The following ZNF385D variants were observed in gnomAD, a reference collection of about 807,000 sequenced individuals.
ZNF385D encodes zinc finger protein 659.
Under a neutral mutation model 35.8 loss-of-function variants are expected in ZNF385D, and 15 were observed. That is an observed-to-expected ratio of 0.42 (90% CI 0.28 to 0.64). The LOEUF (loss-of-function observed/expected upper bound fraction) is 0.64. Ranked by LOEUF, ZNF385D falls within the 30% of genes least tolerant of loss-of-function variation. The probability of loss-of-function intolerance (pLI) is 0.23; values close to 1 mark genes in which losing one functional copy is unlikely to be tolerated. For synonymous variants in ZNF385D, 212 were observed against 186.8 expected (o/e 1.13, Z -1.10); for missense variants, 474 against 494.6 (o/e 0.96, Z 0.39).
intron 2 of ZNF385D, among the ~76,000 whole-genome samples, chr3:21,585,533 A>G (rs1202123493): frequency 1.3e-5 from 2 of 152,212 alleles, no homozygotes; most frequent in Admixed American, 6.5e-5. Flanking sequence ...AAGAAAGGCA[A>G]TCACAATAAA....
In ZNF385D at chr3:21,934,671, G is replaced by T. The variant is rs566383432; in HGVS notation, c.325+234146C>A. ...TACAAATTGATAATGCAACAAGAGG[G>T]ACTCTTAGTGATACAATGAGAGAGT... On this transcript the variant is annotated intron_variant, in intron 3 of 5. Coordinates refer to the ZNF385D transcript ENST00000494108. 5.3e-5 allele frequency among the ~76,000 whole-genome samples: 8 copies of T among 152,250 alleles called. No homozygotes were observed. In the South Asian group the frequency reaches 6.2e-4, roughly 12 times the overall value.
chr3:22,097,754 A>G (rs1701708551), intron 3 of ZNF385D, among the ~76,000 whole-genome samples: 1 of 152,066 alleles, frequency 6.6e-6, no homozygotes, highest in African/African-American at 2.4e-5. Context: ...GACTTGACAG[A>G]AAGTGTCCCC....
rs4858025 is a variant in ZNF385D, at chr3:21,897,257, T to C, written c.326-232229A>G. Among the ~76,000 whole-genome samples, 3 of 152,096 alleles carry C rather than the reference T, an allele frequency of 2.0e-5. No individual in the cohort carries two copies. The South Asian group carries it at 6.2e-4, about 31-fold the overall frequency. On this transcript the variant is annotated intron_variant, in intron 3 of 5. Transcript: ENST00000494108. ...TGGCTATTTCAGAATTCTCACATTA[T>C]TGATAAACAGGCAAGAGGGGGATTA...
chr3:22,367,747 T>C (rs1696720441), intron 2 of ZNF385D, among the ~76,000 whole-genome samples: 1 of 152,190 alleles, frequency 6.6e-6, no homozygotes, highest in Non-Finnish European at 1.5e-5. Flanking sequence ...AAAAGAAGTC[T>C]CTAATAATCT....
chr3:21,590,812 A>AT (rs1282249035), intron 2 of ZNF385D, among the ~76,000 whole-genome samples: 5 of 152,242 alleles, frequency 3.3e-5, no homozygotes, highest in Non-Finnish European at 7.4e-5. Context: ...TTTCCATTAT[A>AT]TTTTTTAGAA....
At chr3:22,231,484 A>C (rs944357201) in intron 2 of ZNF385D, among the ~76,000 whole-genome samples, 1 of 152,082 alleles carries the variant, frequency 6.6e-6, no homozygotes, top group African/African-American at 2.4e-5. Context: ...ACAGCTTCCC[A>C]CAGTAGCTGA....
At chr3:21,780,447 C>T (rs935694263) in intron 3 of ZNF385D, among the ~76,000 whole-genome samples, 1 of 151,984 alleles carries the variant, frequency 6.6e-6, no homozygotes. Context: ...CGTTCTTTCT[C>T]AATATCTTCC....
intron 2 of ZNF385D, among the ~76,000 whole-genome samples, chr3:22,188,147 G>A (rs1192287842): frequency 6.6e-6 from 1 of 152,144 alleles, no homozygotes; most frequent in Admixed American, 6.6e-5. Context: ...AGTTTATTCT[G>A]TGGACAAAGA....
At chr3:21,995,269 A>T (rs576091770) in intron 3 of ZNF385D, among the ~76,000 whole-genome samples, 5 of 152,344 alleles carry the variant, frequency 3.3e-5, no homozygotes, top group Admixed American at 3.3e-4. Context: ...AGGCATGCAT[A>T]GGTGCCAGTG....
chr3:22,109,922 A>G (rs1034820073), intron 3 of ZNF385D, among the ~76,000 whole-genome samples: 8 of 152,184 alleles, frequency 5.3e-5, no homozygotes, highest in African/African-American at 1.7e-4. Flanking sequence ...CAGAATCTAC[A>G]ATGAACTCAA....
intron 3 of ZNF385D, among the ~76,000 whole-genome samples, chr3:22,154,285 G>A (rs768775798): frequency 2.6e-5 from 4 of 152,086 alleles, no homozygotes; most frequent in Non-Finnish European, 4.4e-5. Flanking sequence ...ACCTCATCCT[G>A]TATTGATTCA....
chr3:21,795,682 G>T (rs1243458867), intron 3 of ZNF385D, among the ~76,000 whole-genome samples: 2 of 152,204 alleles, frequency 1.3e-5, no homozygotes, highest in African/African-American at 2.4e-5. Context: ...TGTCATAGGT[G>T]CCTAACACTC....
intron 3 of ZNF385D, among the ~76,000 whole-genome samples, chr3:22,152,013 A>G (rs1413151691): frequency 6.6e-6 from 1 of 151,728 alleles, no homozygotes. Context: ...TCCACCCTCC[A>G]CCTTCAAGTA....
intron 3 of ZNF385D, among the ~76,000 whole-genome samples, chr3:22,048,656 T>C (rs983858109): frequency 5.3e-5 from 8 of 152,196 alleles, no homozygotes; most frequent in Non-Finnish European, 1.0e-4. Flanking sequence ...AGTTTTGCAG[T>C]CAATTTTGAA....
intron 3 of ZNF385D, among the ~76,000 whole-genome samples, chr3:22,073,457 A>AGAAATTTAATCTTTCCT (rs1700322881): frequency 6.6e-6 from 1 of 151,908 alleles, no homozygotes; most frequent in Non-Finnish European, 1.5e-5. Flanking sequence ...TTAAACTTCC[A>AGAAATTTAATCTTTCCT]GAAATTTAAT....
chr3:22,232,118 AG>A (rs1698928571), intron 2 of ZNF385D, among the ~76,000 whole-genome samples: 1 of 152,196 alleles, frequency 6.6e-6, no homozygotes, highest in African/African-American at 2.4e-5. Flanking sequence ...TAGCAATGCA[AG>A]AATGGATACT....
intron 3 of ZNF385D, among the ~76,000 whole-genome samples, chr3:21,837,766 G>A (rs969803627): frequency 2.6e-5 from 4 of 151,884 alleles, no homozygotes; most frequent in Admixed American, 1.3e-4. Context: ...CAGCTACTCA[G>A]GAGGCTGAGA....
At chr3:21,681,698 G>GAAAAAAA (rs5847124) in intron 1 of ZNF385D, among the ~76,000 whole-genome samples, 1 of 133,226 alleles carries the variant, frequency 7.5e-6, no homozygotes, top group Non-Finnish European at 1.6e-5. Context: ...AAAAAAAAAC[G>GAAAAAAA]AAAAAAAAAA....
intron 5 of ZNF385D, among the ~76,000 whole-genome samples, chr3:21,434,171 C>G (rs886727834): frequency 6.6e-6 from 1 of 152,140 alleles, no homozygotes; most frequent in Non-Finnish European, 1.5e-5. Context: ...AGAAGTCTAA[C>G]AGTTTCATTT....
Sources: allele counts gnomAD v4.1 joint callset (sites outside exome capture counted in the v4.1 genomes callset), GRCh38; gene constraint gnomAD v4.1.1; transcripts MANE v1.5; gene names NCBI Gene and HGNC (gene_info 2026-07-23, HGNC 2026-07-21).